Variants in VEPH1 observed in about 807,000 individuals in gnomAD.
VEPH1 encodes ventricular zone expressed PH domain containing 1.
A neutral mutation model predicts 85.2 loss-of-function variants in VEPH1; 80 were observed. That is an observed-to-expected ratio of 0.94 (90% CI 0.78 to 1.13). The LOEUF is 1.13. Among genes scored for constraint, VEPH1 ranks in the 50% most tolerant of loss-of-function variants. VEPH1 has a pLI of 0.00. For synonymous variants in VEPH1, 297 were observed against 348.0 expected (o/e 0.85, Z 1.63); for missense variants, 955 against 980.5 (o/e 0.97, Z 0.35).
In VEPH1 at chr3:157,470,400, A is replaced by T. The variant is rs770916191; in HGVS notation, c.268T>A (p.Leu90Met). The change falls in exon 3 of 14, where the codon TTG becomes ATG. Residue 90 changes from leucine to methionine, a missense_variant. Leu to Met is a conservative substitution (Grantham distance 15). Transcript: ENST00000362010. Reference protein sequence around the residue: ...KALVGLWDSCLEHNLRPFGKD... With the variant: ...KALVGLWDSCMEHNLRPFGKD... Reference sequence around the variant, plus strand: ...CCAAAGGGTCTCAGGTTATGTTCCAAGCAGGAGTCCCAGAGCCCCACAAGG... The same window carrying T: ...CCAAAGGGTCTCAGGTTATGTTCCATGCAGGAGTCCCAGAGCCCCACAAGG... 3 of 1,614,120 alleles carry T rather than the reference A, an allele frequency of 1.9e-6. No individual in the cohort carries two copies. Among genetic ancestry groups the T allele is most frequent in the South Asian group, 2.2e-5 (2 of 91,084 alleles).
intron 12 of VEPH1, among the ~76,000 whole-genome samples, chr3:157,283,469 C>T (rs1004043714): frequency 1.4e-4 from 21 of 152,132 alleles, no homozygotes; most frequent in African/African-American, 4.8e-4. Context: ...ATTTACTTTC[C>T]TCTGACTATC....
At chr3:157,456,479 A>G (rs2316349) in intron 4 of VEPH1, among the ~76,000 whole-genome samples, 99,019 of 152,030 alleles carry the variant, frequency 0.65, 32,718 homozygotes, top group African/African-American at 0.75. Flanking sequence ...TGCCTAGGTT[A>G]TCTTCCAGCG....
chr3:157,259,996 G>C lies in VEPH1; in HGVS notation c.*1138C>G, dbSNP rs977895315. On this transcript the variant is annotated 3_prime_UTR_variant, in exon 14 of 14. Transcript: ENST00000362010. The stretch of plus-strand genomic sequence containing the variant: ...CTAATAGGAGAGAGAGTCTCTGACT[G>C]GTTCACTCTCTTTTAAAGGACTAGT... The C allele has an allele frequency of 6.6e-6, 1 of 152,118 alleles. No homozygotes were observed. Among genetic ancestry groups the C allele is most frequent in the Non-Finnish European group, 1.5e-5 (1 of 68,016 alleles). The allele number at this position is 152,118 out of a possible 1,614,324, so 9.4% of individuals were successfully genotyped here. A position where few individuals can be genotyped will look rare whatever the true frequency, so the allele number is the denominator to read the frequency against.
At chr3:157,382,073 A>G (rs1239903179) in intron 6 of VEPH1, among the ~76,000 whole-genome samples, 1 of 152,070 alleles carries the variant, frequency 6.6e-6, no homozygotes, top group African/African-American at 2.4e-5. Flanking sequence ...CACTTAAACC[A>G]TCTGTCTGTC....
At chr3:157,277,258 T>C (rs1402072071) in intron 12 of VEPH1, among the ~76,000 whole-genome samples, 1 of 152,202 alleles carries the variant, frequency 6.6e-6, no homozygotes, top group African/African-American at 2.4e-5. Flanking sequence ...ATGTTGGTCC[T>C]ACTGAGTCTC....
chr3:157,495,599 A>C (rs1321249302), intron 1 of VEPH1, 93 bp from the exon 2 acceptor site: 2 of 706,030 alleles, frequency 2.8e-6, no homozygotes, highest in Non-Finnish European at 3.9e-6. Context: ...AGAGAGAAAA[A>C]AGAAACTTGG....
intron 12 of VEPH1, among the ~76,000 whole-genome samples, chr3:157,272,938 C>T (rs544020827): frequency 7.2e-5 from 11 of 152,142 alleles, no homozygotes; most frequent in South Asian, 2.1e-4. Context: ...GACCAAAGTA[C>T]GCCTACAACT....
chr3:157,335,237 G>GAAA (rs59720322), intron 9 of VEPH1, among the ~76,000 whole-genome samples: 1,432 of 142,836 alleles, frequency 0.01, 25 homozygotes, highest in African/African-American at 0.034. Flanking sequence ...ACATCTCTAT[G>GAAA]AAAAAAAAAA....
At chr3:157,281,475 CAT>C (rs745874934) in intron 12 of VEPH1, among the ~76,000 whole-genome samples, 12 of 152,082 alleles carry the variant, frequency 7.9e-5, no homozygotes, top group Non-Finnish European at 1.5e-4. Context: ...TGCTCTAACA[CAT>C]GTGGTAGAAG....
chr3:157,305,292 G>A (rs148763615), intron 11 of VEPH1, among the ~76,000 whole-genome samples: 140 of 150,992 alleles, frequency 9.3e-4, no homozygotes, highest in African/African-American at 3.3e-3. Flanking sequence ...TGTATTTTTA[G>A]TAGAGACGGG....
chr3:157,375,983 C>T (rs538662818), intron 7 of VEPH1, among the ~76,000 whole-genome samples: 6 of 152,318 alleles, frequency 3.9e-5, no homozygotes, highest in South Asian at 2.1e-4. Flanking sequence ...ATGACTTTCA[C>T]GGCTTTGGCT....
chr3:157,397,960 G>T (rs1437780953), intron 6 of VEPH1, among the ~76,000 whole-genome samples: 3 of 152,214 alleles, frequency 2.0e-5, no homozygotes, highest in Admixed American at 1.3e-4. Flanking sequence ...GTCTACTTTT[G>T]GTTGGTGCCA....
At chr3:157,460,449 T>C in intron 3 of VEPH1, 94 bp from the exon 4 acceptor site, 2 of 1,410,090 alleles carry the variant, frequency 1.4e-6, no homozygotes, top group South Asian at 2.8e-5. Context: ...TGGATTAAGC[T>C]ACCAGAGTAC....
In VEPH1 at chr3:157,428,392, T is replaced by G. The variant is rs1427641910; in HGVS notation, c.626A>C (p.Gln209Pro). The G allele has an allele frequency of 1.2e-6, 2 of 1,614,166 alleles. No homozygotes were observed. The highest frequency in any genetic ancestry group is 4.5e-5 in the East Asian group (2 of 44,880). The part of the protein sequence containing the change: ...HLTELLALMS[Q>P]LEQPEQYHLL... ...ATGGTACTGTTCTGGCTGTTCCAGC[T>G]GAGACATCAAGGCCAGGAGTTCTGT... Residue 209 changes from glutamine to proline, a missense_variant, in exon 5 of 14, where the codon CAG becomes CCG. Physicochemically the swap from Gln to Pro is moderately conservative, Grantham distance 76. Transcript: ENST00000362010.
intron 9 of VEPH1, among the ~76,000 whole-genome samples, chr3:157,334,046 T>A (rs368058728): frequency 2.1e-4 from 32 of 152,252 alleles, no homozygotes; most frequent in African/African-American, 7.7e-4. Flanking sequence ...TGGTGCAGGG[T>A]ATATAGGACC....
chr3:157,286,741 G>T, intron 11 of VEPH1, 67 bp from the exon 12 acceptor site: 2 of 1,257,950 alleles, frequency 1.6e-6, no homozygotes, highest in East Asian at 4.6e-5. Context: ...TTCTGAGACT[G>T]GGAGAAGGGG....
At chr3:157,272,375 TTTTCTTTCTTTCTTTCTTTCTTTCTTTC>T (rs758495924) in intron 12 of VEPH1, among the ~76,000 whole-genome samples, 4 of 94,970 alleles carry the variant, frequency 4.2e-5, no homozygotes, top group African/African-American at 1.6e-4. Context: ...TTTCTCTTTC[TTTTCTTTCTTTCTTTCTTTCTTTCTTTC>T]TTTCTTTCTT....
chr3:157,437,149 G>A, intron 4 of VEPH1: 1 of 1,514,830 alleles, frequency 6.6e-7, no homozygotes, highest in South Asian at 1.2e-5. Context: ...TTTGTGGCCA[G>A]TGAGACAAGT....
intron 6 of VEPH1, among the ~76,000 whole-genome samples, chr3:157,385,661 T>G (rs2108887562): frequency 6.6e-6 from 1 of 152,346 alleles, no homozygotes; most frequent in East Asian, 1.9e-4. Flanking sequence ...CTGTTAAATC[T>G]GGCCTCATAA....
Sources: allele counts gnomAD v4.1 joint callset (sites outside exome capture counted in the v4.1 genomes callset), GRCh38; gene constraint gnomAD v4.1.1; transcripts MANE v1.5; gene names NCBI Gene and HGNC (gene_info 2026-07-23, HGNC 2026-07-21).